Variants in VWC2L observed in about 807,000 individuals in gnomAD.
VWC2L encodes the protein von Willebrand factor C domain-containing protein 2-like.
VWC2L carries 10 observed loss-of-function variants against 21.6 expected under a neutral mutation model. The observed-to-expected ratio is 0.46, with a 90% confidence interval of 0.29 to 0.78. The LOEUF is 0.78. VWC2L is among the 30% of genes least tolerant of loss of function. The pLI is 0.10. For synonymous variants in VWC2L, 96 were observed against 94.3 expected (o/e 1.02, Z -0.10); for missense variants, 209 against 277.1 (o/e 0.75, Z 1.74).
At position 214,421,885 on chromosome 2, in the gene VWC2L, CTTT is replaced by C. The variant is rs761759449; in HGVS notation, c.390+7324_390+7326del. 5.0e-4 allele frequency among the ~76,000 whole-genome samples: 38 copies of C among 76,164 alleles called. No individual in the cohort carries two copies. The South Asian group carries it at 7.0e-3, about 14-fold the overall frequency. The allele number at this position is 76,164 out of a possible 152,430, so 50.0% of individuals were successfully genotyped here. A position where few individuals can be genotyped will look rare whatever the true frequency, so the allele number is the denominator to read the frequency against. On this transcript the variant is annotated intron_variant, in intron 2 of 3. Coordinates refer to ENST00000312504, the MANE Select transcript of VWC2L (RefSeq NM_001080500.4). The stretch of plus-strand genomic sequence containing the variant: ...CATAATTTTTTTCTATTTCCTACAT[CTTT>C]TTTTTTTTTTTTTTTTTTTTTGAGA...
intron 2 of VWC2L, 91 bp downstream of exon 2, chr2:214,414,674 G>A (rs1041219730): frequency 7.2e-7 from 1 of 1,395,028 alleles, no homozygotes; most frequent in Non-Finnish European, 9.6e-7. Context: ...TTGGAAAAAT[G>A]TACTTTAAAA....
chr2:214,538,234 C>T (rs79122393), intron 3 of VWC2L, among the ~76,000 whole-genome samples: 1,931 of 152,148 alleles, frequency 0.013, 43 homozygotes, highest in African/African-American at 0.043. Flanking sequence ...TGTTCATTCA[C>T]TCACAGACCT....
intron 3 of VWC2L, among the ~76,000 whole-genome samples, chr2:214,461,307 C>G (rs527236920): frequency 1.3e-5 from 2 of 152,250 alleles, no homozygotes; most frequent in East Asian, 3.9e-4. Context: ...TCCTCATACC[C>G]CTGGGCAGTT....
At chr2:214,524,751 G>C (rs890886403) in intron 3 of VWC2L, among the ~76,000 whole-genome samples, 1 of 151,964 alleles carries the variant, frequency 6.6e-6, no homozygotes, top group South Asian at 2.1e-4. Flanking sequence ...TAATGCCCTC[G>C]TCTCTTCAAA....
At chr2:214,542,004 T>C (rs968307167) in intron 3 of VWC2L, among the ~76,000 whole-genome samples, 3 of 151,962 alleles carry the variant, frequency 2.0e-5, no homozygotes, top group African/African-American at 4.8e-5. Flanking sequence ...AGAGCTGCTG[T>C]TGTTTATTTT....
intron 2 of VWC2L, among the ~76,000 whole-genome samples, chr2:214,434,021 A>T (rs889707852): frequency 6.6e-6 from 1 of 152,202 alleles, no homozygotes; most frequent in Non-Finnish European, 1.5e-5. Context: ...CATGCATATG[A>T]TAAGAGATTC....
intron 3 of VWC2L, among the ~76,000 whole-genome samples, chr2:214,551,180 T>C (rs935056209): frequency 6.6e-6 from 1 of 152,210 alleles, no homozygotes; most frequent in Admixed American, 6.5e-5. Context: ...TCAGAGAAAG[T>C]ATTTTTCAGG....
chr2:214,472,422 A>AT (rs755449130), intron 3 of VWC2L, among the ~76,000 whole-genome samples: 1 of 152,218 alleles, frequency 6.6e-6, no homozygotes, highest in Non-Finnish European at 1.5e-5. Context: ...TCATAGAAAT[A>AT]TTTTTTTAAA....
chr2:214,518,147 C>G (rs191043567), intron 3 of VWC2L, among the ~76,000 whole-genome samples: 1 of 140,732 alleles, frequency 7.1e-6, no homozygotes, highest in African/African-American at 2.6e-5. Context: ...GCCTGGATGA[C>G]AGAGCAAGAC....
chr2:214,487,960 C>G (rs1395458183), intron 3 of VWC2L, among the ~76,000 whole-genome samples: 1 of 152,208 alleles, frequency 6.6e-6, no homozygotes, highest in Non-Finnish European at 1.5e-5. Flanking sequence ...AACAACAGCT[C>G]TGGGTTCATT....
intron 2 of VWC2L, chr2:214,414,920 C>T (rs568574022): frequency 1.6e-5 from 4 of 248,276 alleles, no homozygotes; most frequent in Admixed American, 5.7e-5. Context: ...GTATGTGTCT[C>T]CTAAATTAAT....
At chr2:214,433,048 A>G (rs1044170003) in intron 2 of VWC2L, among the ~76,000 whole-genome samples, 2 of 151,120 alleles carry the variant, frequency 1.3e-5, no homozygotes, top group Non-Finnish European at 2.9e-5. Context: ...AAAAGTATGT[A>G]TTCAGAGATA....
rs531520962 is a variant in VWC2L, at chr2:214,574,719, T to A, written c.521-953T>A. On this transcript the variant is annotated intron_variant, in intron 3 of 3. Coordinates refer to ENST00000312504, the MANE Select transcript of VWC2L (RefSeq NM_001080500.4). ...ATTGCTTCAAAGAAAGAACAATTTG[T>A]ACCATCCTACTATAATCCAGTGCAC... Among the ~76,000 whole-genome samples, 10 of 152,250 alleles carry A rather than the reference T, an allele frequency of 6.6e-5. No individual in the cohort carries two copies. The East Asian group carries it at 1.9e-3, about 29-fold the overall frequency.
At chr2:214,555,923 T>C (rs1450307170) in intron 3 of VWC2L, among the ~76,000 whole-genome samples, 1 of 152,190 alleles carries the variant, frequency 6.6e-6, no homozygotes, top group Admixed American at 6.6e-5. Flanking sequence ...AAAGCCCATT[T>C]ATGTTTATGA....
In VWC2L at chr2:214,500,834, T is replaced by A. The variant is rs533615400; in HGVS notation, c.520+64076T>A. Among the ~76,000 whole-genome samples, 6 of 152,256 alleles carry A rather than the reference T, an allele frequency of 3.9e-5. No individual in the cohort carries two copies. The South Asian group carries it at 1.0e-3, about 26-fold the overall frequency. Reference sequence around the variant, plus strand: ...CAACCTCCATTCTCTAACCAATGAGTTTAAAGGCCTATTGCTCTGTTAATT... The same window carrying A: ...CAACCTCCATTCTCTAACCAATGAGATTAAAGGCCTATTGCTCTGTTAATT... On this transcript the variant is annotated intron_variant, in intron 3 of 3. Coordinates refer to ENST00000312504, the MANE Select transcript of VWC2L (RefSeq NM_001080500.4).
intron 3 of VWC2L, among the ~76,000 whole-genome samples, chr2:214,494,007 C>A (rs1290499077): frequency 6.6e-6 from 1 of 152,180 alleles, no homozygotes; most frequent in Non-Finnish European, 1.5e-5. Flanking sequence ...AATAAGCTAA[C>A]AAACTAATTT....
intron 3 of VWC2L, among the ~76,000 whole-genome samples, chr2:214,557,915 T>G (rs1689898924): frequency 6.6e-6 from 1 of 152,218 alleles, no homozygotes; most frequent in Non-Finnish European, 1.5e-5. Flanking sequence ...TCTCTCATTT[T>G]AACTATCCTC....
chr2:214,488,766 C>A (rs1051463972), intron 3 of VWC2L, among the ~76,000 whole-genome samples: 1 of 152,158 alleles, frequency 6.6e-6, no homozygotes, highest in Non-Finnish European at 1.5e-5. Context: ...AGGCTGTTTC[C>A]ACTCATGGCA....
chr2:214,511,027 C>A (rs1689043092), intron 3 of VWC2L, among the ~76,000 whole-genome samples: 2 of 152,174 alleles, frequency 1.3e-5, no homozygotes, highest in African/African-American at 4.8e-5. Context: ...TGCCTCACAC[C>A]TGAAATCCTG....
Sources: gnomAD v4.1 joint callset for allele counts (sites outside exome capture counted in the v4.1 genomes callset) on GRCh38, gnomAD v4.1.1 for gene constraint, MANE v1.5 for transcripts, NCBI Gene and HGNC (gene_info 2026-07-23, HGNC 2026-07-21) for gene names.